The following RYK variants were observed in gnomAD, a reference collection of about 807,000 sequenced individuals.
RYK encodes inactive tyrosine-protein kinase RYK.
RYK carries 21 observed loss-of-function variants against 70.2 expected under a neutral mutation model. The observed-to-expected ratio is 0.30, with a 90% confidence interval of 0.21 to 0.43. The LOEUF (loss-of-function observed/expected upper bound fraction) is 0.43. Ranked by LOEUF, RYK falls within the 20% of genes least tolerant of loss-of-function variation. The pLI is 1.00. For synonymous variants in RYK, 267 were observed against 278.0 expected (o/e 0.96, Z 0.39); for missense variants, 604 against 753.3 (o/e 0.80, Z 2.32).
intron 13 of RYK, among the ~76,000 whole-genome samples, chr3:134,165,607 G>C (rs761303387): frequency 2.6e-5 from 4 of 152,184 alleles, no homozygotes; most frequent in Non-Finnish European, 5.9e-5. Context: ...TGCCTCTGGG[G>C]TGGGGCTCTG....
chr3:134,166,141 C>T (rs374925025), intron 13 of RYK, among the ~76,000 whole-genome samples: 1 of 152,134 alleles, frequency 6.6e-6, no homozygotes, highest in African/African-American at 2.4e-5. Context: ...AAACCTTAAC[C>T]CCCAAGTGAT....
intron 10 of RYK, chr3:134,180,053 TG>T (rs2013243432): frequency 6.6e-6 from 1 of 152,044 alleles, no homozygotes. Context: ...GATGCTATAG[TG>T]AAGAAAGAAG....
intron 13 of RYK, among the ~76,000 whole-genome samples, chr3:134,160,077 C>T (rs1009412377): frequency 2.6e-5 from 4 of 152,172 alleles, no homozygotes; most frequent in African/African-American, 7.2e-5. Flanking sequence ...GACTCAGATC[C>T]GGTACATCCA....
chr3:134,174,269 G>A (rs771137460), intron 13 of RYK, among the ~76,000 whole-genome samples: 1 of 152,116 alleles, frequency 6.6e-6, no homozygotes, highest in Non-Finnish European at 1.5e-5. Flanking sequence ...AGTGAACCAC[G>A]AGAGACTATA....
intron 5 of RYK, among the ~76,000 whole-genome samples, chr3:134,204,590 G>C (rs369767139): frequency 1.2e-3 from 59 of 48,094 alleles, no homozygotes; most frequent in Non-Finnish European, 1.0e-4. Context: ...CACAGCCACA[G>C]CCACACACAC....
chr3:134,202,783 T>C lies in RYK; in HGVS notation c.735A>G (p.Ile245Met), dbSNP rs771153726. Residue 245 changes from isoleucine to methionine, a missense_variant, in exon 6 of 15, where the codon ATA becomes ATG. Physicochemically the swap from Ile to Met is conservative, Grantham distance 10 (BLOSUM62 1). This residue lies in a region of RYK where 466 missense variants were observed against 535.9 expected (regional missense o/e 0.87). Transcript: ENST00000623711. ...VCCAVIFLVA[I>M]ILAVLHLHSM... ...TATGAAGGTGCAAAACAGCTAATATTATTGCTACGAGAAATATTACTGCAC... is the reference window on the plus strand; with the variant it reads ...TATGAAGGTGCAAAACAGCTAATATCATTGCTACGAGAAATATTACTGCAC... The C allele has an allele frequency of 1.1e-5, 17 of 1,613,264 alleles. No homozygotes were observed. The highest frequency in any genetic ancestry group is 1.4e-5 in the Non-Finnish European group (17 of 1,179,494).
chr3:134,188,046 T>C lies in RYK; in HGVS notation c.1102+791A>G, dbSNP rs531924851. On this transcript the variant is annotated intron_variant, in intron 9 of 14. Transcript: ENST00000623711. ...TTATACACATCAATAAATTAAAAAT[T>C]AGGCGTCACATTTCAAACGCTGGCC... 3.8e-4 allele frequency among the ~76,000 whole-genome samples: 58 copies of C among 151,982 alleles called. No individual in the cohort carries two copies. The South Asian group carries it at 8.1e-3, about 21-fold the overall frequency.
chr3:134,197,756 A>G (rs1361359238), intron 6 of RYK, among the ~76,000 whole-genome samples: 1 of 152,212 alleles, frequency 6.6e-6, no homozygotes, highest in Non-Finnish European at 1.5e-5. Context: ...GTGAGGCTCA[A>G]ATTGTATGAG....
In RYK at chr3:134,188,887, T is replaced by A. The variant is rs2013556007; in HGVS notation, c.1052A>T (p.Asp351Val). The A allele has an allele frequency of 6.3e-7, 1 of 1,580,782 alleles. No individual in the cohort carries two copies. The highest frequency in any genetic ancestry group is 8.7e-7 in the Non-Finnish European group (1 of 1,154,692). ...FGRIFHGILI[D>V]EKDPNKEKQA... ...TTTTTCTTTATTTGGATCTTTTTCA[T>A]CTATTAAAATCCCATGGAAAATACG... Residue 351 changes from aspartate (D) to valine (V), a missense_variant, in exon 9 of 15, where the codon GAT becomes GTT. Asp to Val is a radical substitution (Grantham distance 152). Transcript: ENST00000623711.
intron 9 of RYK, among the ~76,000 whole-genome samples, chr3:134,184,170 A>G (rs990346007): frequency 6.6e-6 from 1 of 152,248 alleles, no homozygotes; most frequent in Non-Finnish European, 1.5e-5. Context: ...GTAAAAATAT[A>G]GTTAACTTTC....
intron 8 of RYK, among the ~76,000 whole-genome samples, chr3:134,189,778 T>C (rs951501343): frequency 1.3e-5 from 2 of 150,186 alleles, no homozygotes; most frequent in Non-Finnish European, 3.0e-5. Flanking sequence ...CAAAAACTCT[T>C]ATAGTAATAA....
Position 134,178,077 on chromosome 3 carries a change from T to C in RYK, c.1173-4A>G. The C allele has an allele frequency of 6.5e-7, 1 of 1,547,804 alleles. No homozygotes were observed. ...ATGAGTAATAGGAAGAAGATTTCTA[T>C]AAAATAATAAAAAATTGGGAGAAAG... On this transcript the variant is annotated splice_region_variant and splice_polypyrimidine_tract_variant and intron_variant, in intron 10 of 14. Transcript: ENST00000623711.
chr3:134,173,983 CAA>C (rs1398382954), intron 13 of RYK, among the ~76,000 whole-genome samples: 1 of 152,120 alleles, frequency 6.6e-6, no homozygotes, highest in Non-Finnish European at 1.5e-5. Flanking sequence ...CCTTACATGA[CAA>C]AACGTGATTA....
chr3:134,223,327 A>G (rs902265045), intron 1 of RYK, among the ~76,000 whole-genome samples: 16 of 152,168 alleles, frequency 1.1e-4, no homozygotes, highest in African/African-American at 3.4e-4. Flanking sequence ...CAGGATCTCA[A>G]TTTTGTCACA....
In RYK at chr3:134,250,406, T is replaced by C; in HGVS notation, c.232+17A>G. 7.3e-7 allele frequency: 1 copy of C among 1,369,072 alleles called. No homozygotes were observed. Among genetic ancestry groups the C allele is most frequent in the Non-Finnish European group, 9.5e-7 (1 of 1,057,362 alleles). The allele number at this position is 1,369,072 out of a possible 1,614,324, so 84.8% of individuals were successfully genotyped here. On this transcript the variant is annotated intron_variant, in intron 1 of 14. Coordinates refer to ENST00000623711, the MANE Select transcript of RYK (RefSeq NM_002958.4). ...CCGGCCCGACCTGCCCGCCCCGGCC[T>C]CGGCGGCCCCACTCACCGATCAGCC...
intron 13 of RYK, among the ~76,000 whole-genome samples, chr3:134,173,979 A>G (rs2013010450): frequency 1.3e-5 from 2 of 152,226 alleles, no homozygotes; most frequent in Admixed American, 1.3e-4. Context: ...ATTACCTTAC[A>G]TGACAAAACG....
intron 13 of RYK, among the ~76,000 whole-genome samples, chr3:134,171,727 T>G (rs1401186746): frequency 2.6e-5 from 4 of 152,078 alleles, no homozygotes; most frequent in Non-Finnish European, 5.9e-5. Flanking sequence ...ATTAGCCACG[T>G]GTGGTGGCAC....
At chr3:134,162,327 A>G (rs554134973) in intron 13 of RYK, among the ~76,000 whole-genome samples, 27 of 151,872 alleles carry the variant, frequency 1.8e-4, no homozygotes, top group East Asian at 1.5e-3. Flanking sequence ...AGGAAGGAAT[A>G]TATCTCATTC....
At chr3:134,199,855 CA>C (rs1460627444) in intron 6 of RYK, among the ~76,000 whole-genome samples, 2 of 151,914 alleles carry the variant, frequency 1.3e-5, no homozygotes, top group Non-Finnish European at 2.9e-5. Flanking sequence ...GTAAATGCAC[CA>C]AACGGCACTC....
Sources: gnomAD v4.1 joint callset for allele counts (sites outside exome capture counted in the v4.1 genomes callset) on GRCh38, gnomAD v4.1.1 for gene constraint, gnomAD v4.1.1 regional missense constraint, MANE v1.5 for transcripts, NCBI Gene and HGNC (gene_info 2026-07-23, HGNC 2026-07-21) for gene names.